Variants in GRHL2 observed in about 807,000 individuals in gnomAD.
GRHL2 encodes grainyhead-like protein 2 homolog.
Under a neutral mutation model 83.8 loss-of-function variants are expected in GRHL2, and 21 were observed. The ratio of observed to expected loss-of-function variants is 0.25; its 90% CI spans 0.18 to 0.36. The LOEUF (loss-of-function observed/expected upper bound fraction) is 0.36. Among genes scored for constraint, GRHL2 ranks in the 10% least tolerant of loss-of-function variants. The pLI is 1.00. For synonymous variants in GRHL2, 280 were observed against 278.9 expected, an observed-to-expected ratio of 1.00 and a Z score of -0.04; for missense variants, 623 against 781.8, an observed-to-expected ratio of 0.80 and a Z score of 2.42.
At chr8:101,584,581 T>C (rs1812123866) in intron 7 of GRHL2, among the ~76,000 whole-genome samples, 1 of 152,186 alleles carries the variant, frequency 6.6e-6, no homozygotes, top group East Asian at 1.9e-4. Context: ...AAACAGTTTA[T>C]TTAAACTGTT....
intron 13 of GRHL2, among the ~76,000 whole-genome samples, chr8:101,647,810 G>A (rs1354844724): frequency 6.6e-6 from 1 of 151,834 alleles, no homozygotes; most frequent in Non-Finnish European, 1.5e-5. Flanking sequence ...GCAGGCAGAA[G>A]CCACATGCAC....
chr8:101,665,352 A>G (rs148733198), intron 15 of GRHL2, among the ~76,000 whole-genome samples: 1 of 152,318 alleles, frequency 6.6e-6, no homozygotes, highest in Non-Finnish European at 1.5e-5. Flanking sequence ...TTTTCCTACA[A>G]AAGGCAGAAG....
chr8:101,678,508 G>A, the GRHL2 span, among the ~76,000 whole-genome samples: 2 of 152,186 alleles, frequency 1.3e-5, no homozygotes, highest in Admixed American at 1.3e-4. Flanking sequence ...GCTGGGGAGG[G>A]GCGCCCGCCA....
chr8:101,678,592 G>GACCT, the GRHL2 span, among the ~76,000 whole-genome samples: 95 of 151,798 alleles, frequency 6.3e-4, no homozygotes, highest in Admixed American at 3.7e-3. Context: ...AGCTCAAGGA[G>GACCT]GCCTGCCTGC....
chr8:101,636,972 A>G (rs1269862467), intron 12 of GRHL2, 44 bp downstream of exon 12: 4 of 1,568,346 alleles, frequency 2.6e-6, no homozygotes, highest in Non-Finnish European at 3.5e-6. Flanking sequence ...AAGTCAGCTC[A>G]TGTCAGTGGT....
At position 101,615,282 on chromosome 8, in the gene GRHL2, A is replaced by G. The variant is rs190414111; in HGVS notation, c.1099-4257A>G. On this transcript the variant is annotated intron_variant, in intron 8 of 15. Coordinates refer to ENST00000646743, the MANE Select transcript of GRHL2 (RefSeq NM_024915.4). ...CTGTCCCACTTAAATGGCCCTTGTA[A>G]ATATTCACAATCCATCACGTCGGCT... Among the ~76,000 whole-genome samples, 159 of 152,294 alleles carry G rather than the reference A, an allele frequency of 1.0e-3. 3 individuals are homozygous for G. Among genetic ancestry groups the G allele is most frequent in the African/African-American group, 3.6e-3 (151 of 41,554 alleles).
chr8:101,616,925 A>C (rs1050441740), intron 8 of GRHL2, among the ~76,000 whole-genome samples: 5 of 152,200 alleles, frequency 3.3e-5, no homozygotes, highest in African/African-American at 7.2e-5. Flanking sequence ...ATCTTTTTTT[A>C]AAAGCAACTT....
In GRHL2 at chr8:101,666,782, C is replaced by T. The variant is rs1814072745; in HGVS notation, c.*79C>T. On this transcript the variant is annotated 3_prime_UTR_variant, in exon 16 of 16. Transcript: ENST00000646743. ...AGAGACAGAAGCCCCAGCCCCAGAA[C>T]CTGGAGACCCATCTCCCCCATCTCA... 2.3e-6 allele frequency: 2 copies of T among 864,688 alleles called. No individual in the cohort carries two copies. Among genetic ancestry groups the T allele is most frequent in the African/African-American group, 1.6e-5 (1 of 60,836 alleles). The allele number at this position is 864,688 out of a possible 1,614,324, so 53.6% of individuals were successfully genotyped here.
intron 1 of GRHL2, among the ~76,000 whole-genome samples, chr8:101,497,505 A>T (rs1479418998): frequency 6.6e-6 from 1 of 152,236 alleles, no homozygotes; most frequent in Non-Finnish European, 1.5e-5. Flanking sequence ...CTGAAAAACA[A>T]GTTGTAGATG....
At chr8:101,513,500 C>CTTTTTTT (rs112134650) in intron 1 of GRHL2, among the ~76,000 whole-genome samples, 2 of 100,188 alleles carry the variant, frequency 2.0e-5, no homozygotes, top group Non-Finnish European at 3.8e-5. Flanking sequence ...TATCGTTGTG[C>CTTTTTTT]TTTTTTTTTT....
intron 8 of GRHL2, among the ~76,000 whole-genome samples, chr8:101,611,014 G>A (rs1323490096): frequency 6.6e-6 from 1 of 151,056 alleles, no homozygotes; most frequent in Non-Finnish European, 1.5e-5. Flanking sequence ...AGCGACTGCA[G>A]ACATCTGGAC....
chr8:101,588,794 AC>A, intron 7 of GRHL2, among the ~76,000 whole-genome samples: 1 of 152,342 alleles, frequency 6.6e-6, no homozygotes, highest in African/African-American at 2.4e-5. Flanking sequence ...TATTTCTCAC[AC>A]TGAGGGTTGT....
At chr8:101,658,571 G>A (rs1813848673) in intron 14 of GRHL2, among the ~76,000 whole-genome samples, 2 of 152,152 alleles carry the variant, frequency 1.3e-5, no homozygotes, top group Non-Finnish European at 2.9e-5. Flanking sequence ...TGCTACCCTA[G>A]ATTTTATGCC....
intron 1 of GRHL2, among the ~76,000 whole-genome samples, chr8:101,533,329 A>G (rs1288031241): frequency 6.6e-6 from 1 of 152,374 alleles, no homozygotes; most frequent in Admixed American, 6.5e-5. Context: ...GAAAACCTGA[A>G]GAATGCAGCT....
At chr8:101,657,111 G>A in intron 14 of GRHL2, among the ~76,000 whole-genome samples, 1 of 152,156 alleles carries the variant, frequency 6.6e-6, no homozygotes, top group South Asian at 2.1e-4. Flanking sequence ...ATCATACCTG[G>A]TTCTCCTGAA....
downstream of GRHL2, among the ~76,000 whole-genome samples, chr8:101,672,097 A>G (rs1814220312): frequency 2.0e-5 from 3 of 151,660 alleles, 1 homozygote; most frequent in African/African-American, 7.3e-5. Context: ...AGCCACAAAG[A>G]TGGGGAAAAA....
At chr8:101,621,933 A>T (rs545943764) in intron 9 of GRHL2, among the ~76,000 whole-genome samples, 1 of 152,270 alleles carries the variant, frequency 6.6e-6, no homozygotes, top group East Asian at 1.9e-4. Flanking sequence ...GAGGAAAAAA[A>T]AGTAGGGGGA....
Position 101,558,617 on chromosome 8 carries a change from A to G in GRHL2, c.483A>G (p.Glu161=). 6.2e-7 allele frequency: 1 copy of G among 1,614,180 alleles called. No individual in the cohort carries two copies. Among genetic ancestry groups the G allele is most frequent in the Non-Finnish European group, 8.5e-7 (1 of 1,180,028 alleles). Residue 161 remains glutamate, a synonymous_variant, in exon 4 of 16, where the codon GAA becomes GAG. Transcript: ENST00000646743. The part of the protein sequence containing the change: ...PVSGITVVKA[E]DFTPVFMAPP... ...CGGGAATCACGGTGGTGAAAGCTGA[A>G]GATTTCACACCAGTTTTCATGGCCC...
intron 4 of GRHL2, chr8:101,562,257 G>A (rs766879782): frequency 1.7e-6 from 1 of 596,986 alleles, no homozygotes; most frequent in Non-Finnish European, 3.1e-6. Context: ...GTATTCGATA[G>A]GTTCATTTCT....
Sources: allele counts gnomAD v4.1 joint callset (sites outside exome capture counted in the v4.1 genomes callset), GRCh38; gene constraint gnomAD v4.1.1; transcripts MANE v1.5; gene names NCBI Gene and HGNC (gene_info 2026-07-23, HGNC 2026-07-21).